Variants in GRIK5 observed in about 807,000 individuals in gnomAD.
GRIK5 encodes the protein glutamate ionotropic receptor kainate type subunit 5.
GRIK5 carries 43 observed loss-of-function variants against 97.4 expected under a neutral mutation model. That is an observed-to-expected ratio of 0.44 (90% confidence interval 0.35 to 0.57). The LOEUF is 0.57. Among genes scored for constraint, GRIK5 ranks in the 20% least tolerant of loss-of-function variants. The pLI is 0.01. For synonymous variants in GRIK5, 580 were observed against 583.5 expected (o/e 0.99, Z 0.09); for missense variants, 1,015 against 1,382.0 (o/e 0.73, Z 4.21).
intron 11 of GRIK5, chr19:42,043,049 T>C: frequency 4.0e-6 from 2 of 495,496 alleles, no homozygotes; most frequent in Non-Finnish European, 7.2e-6. Context: ...AGGGAGGAGG[T>C]AACTTTAGAG....
At chr19:42,044,375 G>A (rs562591130) in intron 11 of GRIK5, among the ~76,000 whole-genome samples, 1 of 152,278 alleles carries the variant, frequency 6.6e-6, no homozygotes, top group South Asian at 2.1e-4. Flanking sequence ...AACAAACACA[G>A]TTTCTAGTTT....
intron 12 of GRIK5, among the ~76,000 whole-genome samples, chr19:42,037,556 G>A (rs2075923260): frequency 6.6e-6 from 1 of 152,202 alleles, no homozygotes; most frequent in Admixed American, 6.5e-5. Flanking sequence ...AGAGATAAGT[G>A]GCTTTGCAGG....
chr19:42,036,649 C>T (rs2075909403), intron 12 of GRIK5, among the ~76,000 whole-genome samples: 1 of 152,230 alleles, frequency 6.6e-6, no homozygotes, highest in African/African-American at 2.4e-5. Flanking sequence ...AGCCACCATG[C>T]CTGGCGTGTG....
chr19:42,010,301 C>T (rs529114833), intron 15 of GRIK5, among the ~76,000 whole-genome samples: 4 of 152,232 alleles, frequency 2.6e-5, no homozygotes, highest in East Asian at 3.9e-4. Context: ...AAACCATAAA[C>T]TTGCAGATGT....
intron 15 of GRIK5, among the ~76,000 whole-genome samples, chr19:42,019,101 G>C (rs1408440640): frequency 6.6e-6 from 1 of 152,182 alleles, no homozygotes; most frequent in African/African-American, 2.4e-5. Context: ...CAGCTGGCTA[G>C]AGAGTGTGAC....
At chr19:42,057,682 T>C (rs2076205502) in intron 6 of GRIK5, among the ~76,000 whole-genome samples, 1 of 152,144 alleles carries the variant, frequency 6.6e-6, no homozygotes, top group Admixed American at 6.6e-5. Flanking sequence ...AGAGCCTTAA[T>C]TTTAAGCCCT....
chr19:42,068,643 G>A (rs922492763), intron 1 of GRIK5: 5 of 428,862 alleles, frequency 1.2e-5, no homozygotes, highest in South Asian at 1.3e-4. Context: ...GAGACCTGCC[G>A]AGGGAGACTT....
chr19:42,065,716 G>T lies in GRIK5; in HGVS notation c.55C>A (p.Gln19Lys). The T allele has an allele frequency of 6.3e-7, 1 of 1,595,946 alleles. No individual in the cohort carries two copies. Among genetic ancestry groups the T allele is most frequent in the South Asian group, 1.1e-5 (1 of 88,002 alleles). The change falls in exon 2 of 20, where the codon CAG becomes AAG. Residue 19 changes from glutamine to lysine, a missense_variant. By Grantham distance (53) the Gln-to-Lys change is moderately conservative. This residue lies in a region of GRIK5 where 198 missense variants were observed against 218.2 expected (regional missense o/e 0.91). Coordinates refer to ENST00000593562, the MANE Select transcript of GRIK5 (RefSeq NM_002088.5). This position sits in a 1 kb window ranked among gnomAD's most constrained non-coding sequence, Gnocchi z 5.8. ...CCCATGCGCAGTGATGAGAGCACCT[G>T]GCAGCTGGGGCTGGCGAAGGCAACA... ...LIVAFASPSC[Q>K]VLSSLRMAAI...
At chr19:42,005,691 C>T in intron 17 of GRIK5, 32 bp downstream of exon 17, 1 of 1,505,940 alleles carries the variant, frequency 6.6e-7, no homozygotes, top group Non-Finnish European at 9.2e-7. Context: ...TGCCCACGGC[C>T]CTGCTGTGTT....
Position 42,065,074 on chromosome 19 carries a change from T to C in GRIK5, c.244+149A>G, listed in dbSNP as rs1017319812. 2.9e-6 allele frequency: 2 copies of C among 689,622 alleles called. No homozygotes were observed. Among genetic ancestry groups the C allele is most frequent in the Non-Finnish European group, 4.7e-6 (2 of 423,342 alleles). The allele number at this position is 689,622 out of a possible 1,614,324, so 42.7% of individuals were successfully genotyped here. ...CAACCCCCAGGCCCAGCAGCAGCCA[T>C]GTCTGGGAAGAAGGCAGAGACAAAC... On this transcript the variant is annotated intron_variant, in intron 3 of 19. Transcript: ENST00000593562. The surrounding 1 kb of genome is among the most constrained non-coding windows in gnomAD (Gnocchi z 5.8).
chr19:42,068,355 T>G, intron 1 of GRIK5: 3 of 165,540 alleles, frequency 1.8e-5, no homozygotes, highest in East Asian at 1.6e-4. Context: ...CCCCCAGACA[T>G]GGAGAGGAAT....
rs773645821 is a variant in GRIK5 at position 42,059,388 on chromosome 19, G to A, written c.648C>T (p.Ile216=). ...IRDDKVSTII[I]DANASISHLI... ...GGTGGGAGATGGAGGCGTTGGCGTC[G>A]ATGATGATGGTGGACACCTTGTCAT... is the stretch of plus-strand genomic sequence containing the variant. Residue 216 remains isoleucine, a synonymous_variant, in exon 6 of 20, where the codon ATC becomes ATT. Coordinates refer to ENST00000593562, the MANE Select transcript of GRIK5 (RefSeq NM_002088.5). 1.9e-5 allele frequency: 31 copies of A among 1,613,750 alleles called. No homozygotes were observed. The highest frequency in any genetic ancestry group is 8.9e-5 in the East Asian group (4 of 44,892).
chr19:42,068,884 G>C (rs2076381211), intron 1 of GRIK5: 1 of 685,678 alleles, frequency 1.5e-6, no homozygotes, highest in Non-Finnish European at 2.7e-6. Context: ...ATGAGGCTCA[G>C]AGGAACAGAA....
rs1208812816 is a variant in GRIK5 at position 42,003,886 on chromosome 19, T to C, written c.2264-203A>G. 1 of 551,366 alleles carries C rather than the reference T, an allele frequency of 1.8e-6. No individual in the cohort carries two copies. The highest frequency in any genetic ancestry group is 3.6e-5 in the Admixed American group (1 of 28,084). 34.2% of individuals were successfully genotyped at this position (551,366 alleles called of 1,614,324 possible). ...CAGTGTTAGGAAGAGTCAGAGGCCA[T>C]ACCTTTCCTGTGCTCAGGACTCTCC... On this transcript the variant is annotated intron_variant, in intron 17 of 19. Transcript: ENST00000593562. This position sits in a 1 kb window ranked among gnomAD's most constrained non-coding sequence, Gnocchi z 4.2.
rs184597221 is a variant in GRIK5, at chr19:42,067,939, A to T, written c.-51+1302T>A. 2.0e-5 allele frequency among the ~76,000 whole-genome samples: 3 copies of T among 152,302 alleles called. No individual in the cohort carries two copies. The East Asian group carries it at 5.8e-4, about 29-fold the overall frequency. ...AGCTGAGCAACAGTGGGCATAGGAG[A>T]GACATCAGCAAAGGTGAGAGGCAAG... On this transcript the variant is annotated intron_variant, in intron 1 of 19. Coordinates refer to ENST00000593562, the MANE Select transcript of GRIK5 (RefSeq NM_002088.5).
At chr19:42,034,645 A>C (rs982386459) in intron 12 of GRIK5, among the ~76,000 whole-genome samples, 16 of 152,136 alleles carry the variant, frequency 1.1e-4, no homozygotes, top group Middle Eastern at 3.2e-3. Context: ...GAAAATAGTC[A>C]AACTTCTGCC....
In GRIK5 at chr19:42,062,929, C is replaced by A; in HGVS notation, c.245-74G>T. 1 of 1,127,522 alleles carries A rather than the reference C, an allele frequency of 8.9e-7. No homozygotes were observed. The highest frequency in any genetic ancestry group is 1.3e-5 in the South Asian group (1 of 79,502). 69.8% of individuals were successfully genotyped at this position (1,127,522 alleles called of 1,614,324 possible). ...TCTCCTTCCCCATCCCTCAGGGAGC[C>A]GCCATGGCCCAGGAGAGGATCAGAC... On this transcript the variant is annotated intron_variant, in intron 3 of 19. Transcript: ENST00000593562. This position sits in a 1 kb window ranked among gnomAD's most constrained non-coding sequence, Gnocchi z 5.3.
rs1326300693 is a variant in GRIK5, at chr19:42,065,395, G to T, written c.80-8C>A. 1 of 1,574,570 alleles carries T rather than the reference G, an allele frequency of 6.4e-7. No individual in the cohort carries two copies. The highest frequency in any genetic ancestry group is 8.6e-7 in the Non-Finnish European group (1 of 1,158,168). ...GATCATCCAGGATTGCAGCTGAGGG[G>T]ACACATGGGTTGGGGACCAGACTCC... is the stretch of plus-strand genomic sequence containing the variant. On this transcript the variant is annotated splice_polypyrimidine_tract_variant and splice_region_variant and intron_variant, in intron 2 of 19. Transcript: ENST00000593562. The surrounding 1 kb of genome is among the most constrained non-coding windows in gnomAD (Gnocchi z 5.8).
intron 11 of GRIK5, among the ~76,000 whole-genome samples, chr19:42,047,112 T>A (rs1009519797): frequency 6.6e-6 from 1 of 151,920 alleles, no homozygotes; most frequent in African/African-American, 2.4e-5. Flanking sequence ...GGTCTCGAAC[T>A]CCTGAGCTCA....
Sources: allele counts gnomAD v4.1 joint callset (sites outside exome capture counted in the v4.1 genomes callset), GRCh38; gene constraint gnomAD v4.1.1; regional missense constraint gnomAD v4.1.1; non-coding constraint Gnocchi (gnomAD v3.1); transcripts MANE v1.5; gene names NCBI Gene and HGNC (gene_info 2026-07-23, HGNC 2026-07-21).